Variants in TMBIM6 observed in about 807,000 individuals in gnomAD.
TMBIM6 encodes bax inhibitor 1.
A neutral mutation model predicts 31.4 loss-of-function variants in TMBIM6; 13 were observed. That is an observed-to-expected ratio of 0.41 (90% confidence interval 0.27 to 0.66). TMBIM6 has a LOEUF of 0.66. TMBIM6 is among the 30% of genes least tolerant of loss of function. The probability of loss-of-function intolerance (pLI) is 0.28; values close to 1 mark genes in which losing one functional copy is unlikely to be tolerated. For missense variants in TMBIM6, 275 were observed against 289.5 expected, an observed-to-expected ratio of 0.95 and a Z score of 0.36; for synonymous variants, 85 against 101.7, an observed-to-expected ratio of 0.84 and a Z score of 0.99.
chr12:49,743,227 TTTATTA>T (rs1041331148), intron 1 of TMBIM6, among the ~76,000 whole-genome samples: 2 of 149,762 alleles, frequency 1.3e-5, no homozygotes, highest in Non-Finnish European at 2.9e-5. Flanking sequence ...GATTTATTTA[TTTATTA>T]TTATTATTAT....
At chr12:49,761,948 A>G (rs1298678206) in intron 9 of TMBIM6, 169 bp downstream of exon 9, 2 of 647,332 alleles carry the variant, frequency 3.1e-6, no homozygotes, top group Non-Finnish European at 5.0e-6. Context: ...TTAGAAAAAA[A>G]GCAGCAAGTG....
At chr12:49,742,127 C>A in intron 1 of TMBIM6, 8 of 1,608,580 alleles carry the variant, frequency 5.0e-6, no homozygotes, top group Non-Finnish European at 6.8e-6. Flanking sequence ...TAGGGCCTGG[C>A]GGGCGGGTGA....
chr12:49,758,269 A>T lies in TMBIM6; in HGVS notation c.329A>T (p.Asn110Ile). ...GCCCTGGAGTTTTGTATTGCTGTCA[A>T]CCCCAGGTAACTCTTTTGGTAGTGT... ...GPALEFCIAV[N>I]PSILPTAFMG... The change falls in exon 5 of 10, where the codon AAC becomes ATC. Residue 110 changes from asparagine (N) to isoleucine (I), a missense_variant. Transcript: ENST00000267115. 1 of 1,614,138 alleles carries T rather than the reference A, an allele frequency of 6.2e-7. No homozygotes were observed. Among genetic ancestry groups the T allele is most frequent in the Non-Finnish European group, 8.5e-7 (1 of 1,180,020 alleles).
At chr12:49,742,062 C>CG in intron 1 of TMBIM6, 1 of 1,551,766 alleles carries the variant, frequency 6.4e-7, no homozygotes, top group Non-Finnish European at 8.7e-7. Flanking sequence ...CGGCTGCGGG[C>CG]GGGTCCTTTG....
intron 8 of TMBIM6, among the ~76,000 whole-genome samples, chr12:49,759,650 T>TA (rs1945674388): frequency 6.6e-6 from 1 of 151,436 alleles, no homozygotes; most frequent in African/African-American, 2.4e-5. Flanking sequence ...ACTAAAAATA[T>TA]AAAAAAATTA....
chr12:49,758,574 TTG>T, intron 6 of TMBIM6, 94 bp downstream of exon 6: 1 of 1,547,394 alleles, frequency 6.5e-7, no homozygotes, highest in South Asian at 1.1e-5. Flanking sequence ...TTTGCGACTA[TTG>T]AGTTGAGATT....
chr12:49,761,610 T>TG (rs1945720511), intron 8 of TMBIM6, 94 bp from the exon 9 acceptor site: 1 of 1,061,112 alleles, frequency 9.4e-7, no homozygotes, highest in African/African-American at 2.4e-5. Flanking sequence ...AGCTGGCTCG[T>TG]GGGGGTAGGG....
intron 4 of TMBIM6, 66 bp downstream of exon 4, chr12:49,755,821 C>G: frequency 2.0e-6 from 3 of 1,529,840 alleles, no homozygotes; most frequent in Non-Finnish European, 2.6e-6. Context: ...TAATTAGTTC[C>G]CCCCCCTTTT....
chr12:49,759,045 A>G, intron 7 of TMBIM6, 176 bp from the exon 8 acceptor site: 1 of 640,638 alleles, frequency 1.6e-6, no homozygotes, highest in Non-Finnish European at 2.7e-6. Flanking sequence ...CCAGTGCAGT[A>G]TTGTGCCTAG....
chr12:49,746,331 G>C (rs761933673), intron 1 of TMBIM6, among the ~76,000 whole-genome samples: 6 of 152,058 alleles, frequency 3.9e-5, no homozygotes, highest in Non-Finnish European at 4.4e-5. Context: ...TGATCCGCCT[G>C]CCTCAGCCTC....
At chr12:49,761,953 C>G in intron 9 of TMBIM6, 174 bp downstream of exon 9, 1 of 601,750 alleles carries the variant, frequency 1.7e-6, no homozygotes, top group Non-Finnish European at 2.7e-6. Context: ...AAAAAAGCAG[C>G]AAGTGAAAAA....
chr12:49,756,509 T>C (rs964139541), intron 4 of TMBIM6, among the ~76,000 whole-genome samples: 2 of 148,210 alleles, frequency 1.3e-5, no homozygotes, highest in Admixed American at 1.4e-4. Flanking sequence ...AGTGGCGAGA[T>C]CTCAGCTCAT....
intron 9 of TMBIM6, among the ~76,000 whole-genome samples, chr12:49,762,380 C>T (rs907745510): frequency 1.3e-5 from 2 of 152,332 alleles, no homozygotes; most frequent in Non-Finnish European, 2.9e-5. Flanking sequence ...ATTTTCATTC[C>T]TTAATACATT....
chr12:49,745,724 CA>C (rs761232522), intron 1 of TMBIM6, among the ~76,000 whole-genome samples: 23 of 114,034 alleles, frequency 2.0e-4, no homozygotes, highest in Admixed American at 3.2e-4. Context: ...GACTCTGTCT[CA>C]AAAAAAAAAA....
At chr12:49,743,499 T>C (rs1378609363) in intron 1 of TMBIM6, 1 of 152,098 alleles carries the variant, frequency 6.6e-6, no homozygotes, top group African/African-American at 2.4e-5. Context: ...CCTCCCAAAT[T>C]GCTAGGATTA....
chr12:49,756,292 T>G (rs1420710184), intron 4 of TMBIM6, among the ~76,000 whole-genome samples: 1 of 149,282 alleles, frequency 6.7e-6, no homozygotes, highest in Admixed American at 6.7e-5. Context: ...TGTGCCACCA[T>G]GCCCGGCTAA....
intron 1 of TMBIM6, among the ~76,000 whole-genome samples, chr12:49,743,892 G>A (rs1032891673): frequency 1.3e-5 from 2 of 151,962 alleles, no homozygotes; most frequent in African/African-American, 4.8e-5. Flanking sequence ...GTTTGTTTTA[G>A]TACTTTACGT....
chr12:49,749,441 G>GTTTTTTTGTT lies in TMBIM6; in HGVS notation c.-30-3016_-30-3015insGTTTTTTTTT, dbSNP rs1046744468. Reference sequence around the variant, plus strand: ...CCTTTTCTTTTTGTAAGTCATTTTTGTTTTTTTTTGAAACGGAGTCTCGCT... The same window carrying GTTTTTTTGTT: ...CCTTTTCTTTTTGTAAGTCATTTTTGTTTTTTTGTTTTTTTTTTTGAAACGGAGTCTCGCT... On this transcript the variant is annotated intron_variant, in intron 1 of 9. Coordinates refer to ENST00000267115, the MANE Select transcript of TMBIM6 (RefSeq NM_003217.3). Among the ~76,000 whole-genome samples the GTTTTTTTGTT allele has an allele frequency of 6.0e-4, 88 of 146,118 alleles. 3 individuals are homozygous for GTTTTTTTGTT. The highest frequency in any genetic ancestry group is 2.2e-3 in the African/African-American group (82 of 37,798).
At position 49,753,095 on chromosome 12, in the gene TMBIM6, T is replaced by G. The variant is rs770513924; in HGVS notation, c.165+14T>G. 1 of 1,607,318 alleles carries G rather than the reference T, an allele frequency of 6.2e-7. No homozygotes were observed. The highest frequency in any genetic ancestry group is 2.2e-5 in the East Asian group (1 of 44,694). Reference sequence around the variant, plus strand: ...CATTTCATTCAGGTAAGAACGATTTTCTCTCCTGGTTGCTGTGGTACAAAT... The same window carrying G: ...CATTTCATTCAGGTAAGAACGATTTGCTCTCCTGGTTGCTGTGGTACAAAT... On this transcript the variant is annotated intron_variant, in intron 3 of 9. Transcript: ENST00000267115.
Sources: allele counts gnomAD v4.1 joint callset (sites outside exome capture counted in the v4.1 genomes callset), GRCh38; gene constraint gnomAD v4.1.1; transcripts MANE v1.5; gene names NCBI Gene and HGNC (gene_info 2026-07-23, HGNC 2026-07-21).